Variants in SLC35F2 observed in about 807,000 individuals in gnomAD.
SLC35F2 encodes queuine/queuosine transporter SLC35F2.
Under a neutral mutation model 38.1 loss-of-function variants are expected in SLC35F2, and 25 were observed. The observed-to-expected ratio is 0.66, with a 90% confidence interval of 0.48 to 0.92. The LOEUF is 0.92. Ranked by LOEUF, SLC35F2 falls within the 40% of genes least tolerant of loss-of-function variation. SLC35F2 has a pLI of 0.00. For missense variants in SLC35F2, 409 were observed against 452.9 expected, an observed-to-expected ratio of 0.90 and a Z score of 0.88; for synonymous variants, 173 against 181.7, an observed-to-expected ratio of 0.95 and a Z score of 0.38.
At chr11:107,856,597 T>A (rs996146749) in intron 1 of SLC35F2, among the ~76,000 whole-genome samples, 9 of 152,160 alleles carry the variant, frequency 5.9e-5, no homozygotes, top group African/African-American at 2.2e-4. Context: ...CTTCGGAGGC[T>A]GAGGCAGGAT....
At chr11:107,832,079 C>A (rs1219068504) in intron 1 of SLC35F2, among the ~76,000 whole-genome samples, 1 of 151,892 alleles carries the variant, frequency 6.6e-6, no homozygotes, top group Non-Finnish European at 1.5e-5. Flanking sequence ...TGTTATACTG[C>A]ATTTCTTAGA....
At chr11:107,842,257 CAAAAAAAAAA>C (rs541185009) in intron 1 of SLC35F2, among the ~76,000 whole-genome samples, 9 of 37,902 alleles carry the variant, frequency 2.4e-4, no homozygotes, top group African/African-American at 7.2e-4. Flanking sequence ...CTCCGTCTCA[CAAAAAAAAAA>C]AAAAAAAAAA....
rs1265684755 is a variant in SLC35F2 at position 107,804,865 on chromosome 11, A to G, written c.732-95T>C. On this transcript the variant is annotated intron_variant, in intron 5 of 7. Transcript: ENST00000525815. The stretch of plus-strand genomic sequence containing the variant: ...CACTATACTTCAGCTAAAGTGAGGA[A>G]TTACATGGACATTTGAATTTGTCTT... The G allele has an allele frequency of 3.3e-6, 4 of 1,195,232 alleles. No individual in the cohort carries two copies. The African/African-American group carries it at 6.3e-5, about 19-fold the overall frequency. The allele number at this position is 1,195,232 out of a possible 1,614,324, so 74.0% of individuals were successfully genotyped here.
At chr11:107,843,527 G>A (rs970794594) in intron 1 of SLC35F2, among the ~76,000 whole-genome samples, 1 of 149,950 alleles carries the variant, frequency 6.7e-6, no homozygotes, top group Non-Finnish European at 1.5e-5. Context: ...TCCAGCCTGG[G>A]CAACAAAAGC....
chr11:107,794,336 C>T (rs572788587), intron 7 of SLC35F2, among the ~76,000 whole-genome samples: 1 of 152,278 alleles, frequency 6.6e-6, no homozygotes, highest in Non-Finnish European at 1.5e-5. Context: ...GCCTTGGCCT[C>T]CCAAAGTGCT....
chr11:107,858,620 A>C, intron 1 of SLC35F2, 38 bp downstream of exon 1: 1 of 1,257,906 alleles, frequency 7.9e-7, no homozygotes, highest in Non-Finnish European at 1.0e-6. Flanking sequence ...AGCCGCCCCC[A>C]CGCCCCAGCG....
rs187480410 is a variant in SLC35F2 at position 107,805,085 on chromosome 11, A to T, written c.731+274T>A. On this transcript the variant is annotated intron_variant, in intron 5 of 7. Transcript: ENST00000525815. ...ATATTTTCTGGAAATAACTAAAAAAACTCCTTACTGGCAAATGCCTCTACC... is the reference window on the plus strand; with the variant it reads ...ATATTTTCTGGAAATAACTAAAAAATCTCCTTACTGGCAAATGCCTCTACC... 73 of 985,384 alleles carry T rather than the reference A, an allele frequency of 7.4e-5. 1 individual carries two copies. The African/African-American group carries it at 1.2e-3, about 16-fold the overall frequency. 61.0% of individuals were successfully genotyped at this position (985,384 alleles called of 1,614,324 possible).
chr11:107,837,005 G>A (rs77693553), intron 1 of SLC35F2, among the ~76,000 whole-genome samples: 4,274 of 152,236 alleles, frequency 0.028, 227 homozygotes, highest in African/African-American at 0.098. Context: ...ACCTTGGATT[G>A]AAACACTTTC....
At chr11:107,832,352 G>A (rs932613949) in intron 1 of SLC35F2, among the ~76,000 whole-genome samples, 2 of 152,220 alleles carry the variant, frequency 1.3e-5, no homozygotes, top group African/African-American at 4.8e-5. Context: ...AAAGATAGTA[G>A]TGGGAGGGTT....
In SLC35F2 at chr11:107,806,743, A is replaced by G. The variant is rs945761623; in HGVS notation, c.548T>C (p.Ile183Thr). The G allele has an allele frequency of 3.1e-6, 5 of 1,613,978 alleles. No homozygotes were observed. The highest frequency in any genetic ancestry group is 3.3e-5 in the Admixed American group (2 of 59,992). The part of the protein sequence containing the change: ...LGVGTMVGAD[I>T]LAGREDNSGS... Reference sequence around the variant, plus strand: ...TGAATTGTCTTCCCTCCCTGCTAGTATGTCTGCACCAACCATGGTTCCTAC... The same window carrying G: ...TGAATTGTCTTCCCTCCCTGCTAGTGTGTCTGCACCAACCATGGTTCCTAC... Residue 183 changes from isoleucine to threonine, a missense_variant, in exon 4 of 8, where the codon ATA (isoleucine) becomes ACA (threonine). Coordinates refer to ENST00000525815, the MANE Select transcript of SLC35F2 (RefSeq NM_017515.5).
chr11:107,813,451 C>G (rs1321628090), intron 2 of SLC35F2, among the ~76,000 whole-genome samples: 1 of 151,896 alleles, frequency 6.6e-6, no homozygotes, highest in African/African-American at 2.4e-5. Context: ...GCAACAAGAG[C>G]GAAACTCCGT....
intron 1 of SLC35F2, among the ~76,000 whole-genome samples, chr11:107,851,230 T>C (rs1253580708): frequency 4.0e-5 from 6 of 150,740 alleles, no homozygotes; most frequent in Non-Finnish European, 7.4e-5. Flanking sequence ...ACCACTGTAC[T>C]CTAGCCGGGG....
intron 1 of SLC35F2, among the ~76,000 whole-genome samples, chr11:107,832,508 G>A (rs1290605425): frequency 5.3e-5 from 8 of 152,098 alleles, no homozygotes; most frequent in Non-Finnish European, 8.8e-5. Context: ...CAAACAATGA[G>A]AAATCTATTT....
chr11:107,836,326 C>T lies in SLC35F2; in HGVS notation c.111-20361G>A, dbSNP rs187845590. 3.1e-3 allele frequency among the ~76,000 whole-genome samples: 427 copies of T among 137,336 alleles called. 6 individuals carry two copies. Among genetic ancestry groups the T allele is most frequent in the Non-Finnish European group, 5.2e-4 (34 of 65,348 alleles). 90.1% of individuals were successfully genotyped at this position (137,336 alleles called of 152,430 possible). A position where few individuals can be genotyped will look rare whatever the true frequency, so the allele number is the denominator to read the frequency against. On this transcript the variant is annotated intron_variant, in intron 1 of 7. Transcript: ENST00000525815. ...ATCTAGGTGTTCTTATTTCTTTGTGCTCTAAAGCTTTTTTTTTGTCTGGTG... is the reference window on the plus strand; with the variant it reads ...ATCTAGGTGTTCTTATTTCTTTGTGTTCTAAAGCTTTTTTTTTGTCTGGTG...
chr11:107,806,897 C>T, intron 3 of SLC35F2, 21 bp from the exon 4 acceptor site: 1 of 1,605,738 alleles, frequency 6.2e-7, no homozygotes, highest in Non-Finnish European at 8.5e-7. Flanking sequence ...AGAGAATCAA[C>T]AGTTTAAAAC....
At chr11:107,813,913 C>A (rs987047194) in intron 2 of SLC35F2, among the ~76,000 whole-genome samples, 1 of 152,148 alleles carries the variant, frequency 6.6e-6, no homozygotes, top group Non-Finnish European at 1.5e-5. Flanking sequence ...GATCCTCCCA[C>A]CTTGACCTCC....
intron 1 of SLC35F2, among the ~76,000 whole-genome samples, chr11:107,836,059 T>C (rs139170778): frequency 3.9e-4 from 60 of 152,288 alleles, no homozygotes; most frequent in African/African-American, 1.3e-3. Flanking sequence ...AGCCTGAACA[T>C]GCAGCTCATC....
At chr11:107,826,706 C>T (rs991556657) in intron 1 of SLC35F2, among the ~76,000 whole-genome samples, 2 of 151,992 alleles carry the variant, frequency 1.3e-5, no homozygotes, top group Non-Finnish European at 1.5e-5. Flanking sequence ...TTTAAAAAAG[C>T]CACATCTAAA....
chr11:107,853,883 A>C (rs147842251), intron 1 of SLC35F2, among the ~76,000 whole-genome samples: 2,223 of 152,002 alleles, frequency 0.015, 40 homozygotes, highest in South Asian at 0.087. Flanking sequence ...TTTGCTAGAG[A>C]TATAAAGTTG....
Sources: gnomAD v4.1 joint callset for allele counts (sites outside exome capture counted in the v4.1 genomes callset) on GRCh38, gnomAD v4.1.1 for gene constraint, MANE v1.5 for transcripts, NCBI Gene and HGNC (gene_info 2026-07-23, HGNC 2026-07-21) for gene names.